Variants in LYPLA1 observed in about 807,000 individuals in gnomAD.
The protein encoded by LYPLA1 is acyl-protein thioesterase 1.
LYPLA1 carries 17 observed loss-of-function variants against 34.0 expected under a neutral mutation model. The observed-to-expected ratio is 0.50, with a 90% CI of 0.34 to 0.75. The LOEUF (loss-of-function observed/expected upper bound fraction) is 0.75, where lower values mean the gene tolerates loss of function less well. Among genes scored for constraint, LYPLA1 ranks in the 30% least tolerant of loss-of-function variants. The pLI is 0.01. For synonymous variants in LYPLA1, 98 were observed against 100.8 expected (o/e 0.97, Z 0.17); for missense variants, 203 against 288.8 (o/e 0.70, Z 2.15).
At chr8:54,080,386 T>C (rs1464759542) in intron 2 of LYPLA1, among the ~76,000 whole-genome samples, 1 of 152,176 alleles carries the variant, frequency 6.6e-6, no homozygotes, top group Non-Finnish European at 1.5e-5. Flanking sequence ...CTTCCACCTA[T>C]TTATTAGAGT....
At chr8:54,080,429 C>T (rs1285718587) in intron 2 of LYPLA1, among the ~76,000 whole-genome samples, 4 of 152,168 alleles carry the variant, frequency 2.6e-5, no homozygotes, top group Non-Finnish European at 5.9e-5. Context: ...TTATGTTCCT[C>T]AAAACATTAC....
At chr8:54,084,974 C>T (rs1461630935) in intron 2 of LYPLA1, among the ~76,000 whole-genome samples, 1 of 149,370 alleles carries the variant, frequency 6.7e-6, no homozygotes, top group Admixed American at 6.6e-5. Flanking sequence ...CCTCCTCTCC[C>T]TCTCCCTCTC....
At chr8:54,081,302 CT>C (rs1259020983) in intron 2 of LYPLA1, among the ~76,000 whole-genome samples, 3 of 152,054 alleles carry the variant, frequency 2.0e-5, no homozygotes, top group African/African-American at 7.3e-5. Context: ...TGCTACTTCT[CT>C]TAACTGTGTT....
intron 2 of LYPLA1, among the ~76,000 whole-genome samples, chr8:54,093,639 T>A (rs1196183484): frequency 6.6e-6 from 1 of 152,242 alleles, no homozygotes; most frequent in African/African-American, 2.4e-5. Context: ...CTTAGGAAAC[T>A]AATACATGTG....
At chr8:54,100,781 A>G (rs1001089532) in intron 2 of LYPLA1, 127 bp downstream of exon 2, 5 of 772,968 alleles carry the variant, frequency 6.5e-6, no homozygotes, top group East Asian at 2.6e-5. Flanking sequence ...ACCGCACTGT[A>G]AGATACATTA....
intron 2 of LYPLA1, among the ~76,000 whole-genome samples, chr8:54,066,314 A>G (rs1807066079): frequency 6.6e-6 from 1 of 152,188 alleles, no homozygotes; most frequent in Admixed American, 6.5e-5. Flanking sequence ...AGCAGCTGTT[A>G]AGTTTTACCT....
At chr8:54,062,110 T>C (rs1436162123) in intron 5 of LYPLA1, 144 bp downstream of exon 5, 1 of 568,440 alleles carries the variant, frequency 1.8e-6, no homozygotes, top group South Asian at 2.1e-5. Flanking sequence ...CACCCGCCTC[T>C]ACTTCCCAAA....
intron 2 of LYPLA1, among the ~76,000 whole-genome samples, chr8:54,092,339 A>G (rs146012156): frequency 0.037 from 5,677 of 151,490 alleles, 147 homozygotes; most frequent in Non-Finnish European, 0.059. Context: ...ACAGAGAGAG[A>G]AGGAGGAAGA....
At chr8:54,050,652 A>T (rs1238315201) in intron 8 of LYPLA1, among the ~76,000 whole-genome samples, 1 of 152,178 alleles carries the variant, frequency 6.6e-6, no homozygotes, top group East Asian at 1.9e-4. Flanking sequence ...TCAGTTTTTC[A>T]GGGCACCTTT....
intron 2 of LYPLA1, among the ~76,000 whole-genome samples, chr8:54,069,834 C>T (rs1454481271): frequency 6.6e-6 from 1 of 151,838 alleles, no homozygotes; most frequent in Non-Finnish European, 1.5e-5. Context: ...AAAAAATAGG[C>T]AAAAGACTTG....
intron 5 of LYPLA1, among the ~76,000 whole-genome samples, chr8:54,060,162 G>A (rs971924381): frequency 2.0e-5 from 3 of 151,600 alleles, no homozygotes; most frequent in African/African-American, 7.3e-5. Flanking sequence ...TTTCACTCTT[G>A]TTGCCCAGGC....
At chr8:54,063,665 A>T (rs1180615043) in intron 3 of LYPLA1, among the ~76,000 whole-genome samples, 1 of 152,228 alleles carries the variant, frequency 6.6e-6, no homozygotes, top group African/African-American at 2.4e-5. Flanking sequence ...CGAGAAGAGA[A>T]ACCAGAAACC....
At position 54,046,958 on chromosome 8, in the gene LYPLA1, A is replaced by G. The variant is rs1020416029; in HGVS notation, c.*1107T>C. On this transcript the variant is annotated 3_prime_UTR_variant, in exon 9 of 9. Transcript: ENST00000316963. Reference sequence around the variant, plus strand: ...CAAATAAGTCCACTGGCAGATGAAAATAAAGCAAAAAATTACAATAGATTC... The same window carrying G: ...CAAATAAGTCCACTGGCAGATGAAAGTAAAGCAAAAAATTACAATAGATTC... 2 of 152,188 alleles carry G rather than the reference A, an allele frequency of 1.3e-5. No individual in the cohort carries two copies. The highest frequency in any genetic ancestry group is 4.8e-5 in the African/African-American group (2 of 41,462). 9.4% of individuals were successfully genotyped at this position (152,188 alleles called of 1,614,324 possible). A position where few individuals can be genotyped will look rare whatever the true frequency, so the allele number is the denominator to read the frequency against.
At chr8:54,073,492 G>C in intron 2 of LYPLA1, 1 of 742,956 alleles carries the variant, frequency 1.3e-6, no homozygotes, top group Non-Finnish European at 2.5e-6. Flanking sequence ...TAGCTTCCAG[G>C]ACTCCAGAAC....
chr8:54,062,312 A>G lies in LYPLA1; in HGVS notation c.228T>C (p.Ile76=). Residue 76 remains isoleucine, a synonymous_variant, in exon 5 of 9, where the codon ATT becomes ATC. Transcript: ENST00000316963. ...NVAMPSWFDI[I]GLSPDSQEDE... Reference sequence around the variant, plus strand: ...CCTCCTGTGAATCTGGTGAAAGCCCAATAATATCAAACCTGTAAAATAAGG... The same window carrying G: ...CCTCCTGTGAATCTGGTGAAAGCCCGATAATATCAAACCTGTAAAATAAGG... The G allele has an allele frequency of 6.2e-7, 1 of 1,605,288 alleles. No individual in the cohort carries two copies. The highest frequency in any genetic ancestry group is 1.1e-5 in the South Asian group (1 of 89,768).
At chr8:54,085,847 G>A (rs986731638) in intron 2 of LYPLA1, among the ~76,000 whole-genome samples, 13 of 138,318 alleles carry the variant, frequency 9.4e-5, no homozygotes, top group East Asian at 4.6e-4. Context: ...CGCCCCGTCC[G>A]CGAGGTGGGG....
chr8:54,084,159 T>TATATATATATATATATATAA (rs1808532093), intron 2 of LYPLA1, among the ~76,000 whole-genome samples: 2 of 134,162 alleles, frequency 1.5e-5, no homozygotes, highest in African/African-American at 6.5e-5. Flanking sequence ...TATATATATA[T>TATATATATATATATATATAA]ATATAAAATA....
intron 2 of LYPLA1, among the ~76,000 whole-genome samples, chr8:54,066,456 G>A (rs1329415055): frequency 2.0e-5 from 3 of 151,960 alleles, no homozygotes; most frequent in African/African-American, 7.3e-5. Flanking sequence ...TATAAAGTAG[G>A]CAAGAGAAAT....
chr8:54,099,862 T>C (rs1809978394), intron 2 of LYPLA1, among the ~76,000 whole-genome samples: 1 of 151,958 alleles, frequency 6.6e-6, no homozygotes, highest in Non-Finnish European at 1.5e-5. Context: ...TTTTATATTT[T>C]TAGTAGAGAT....
Sources: allele counts gnomAD v4.1 joint callset (sites outside exome capture counted in the v4.1 genomes callset), GRCh38; gene constraint gnomAD v4.1.1; transcripts MANE v1.5; gene names NCBI Gene and HGNC (gene_info 2026-07-23, HGNC 2026-07-21).